The following DOCK8 variants were observed in gnomAD, a reference collection of about 807,000 sequenced individuals.
DOCK8 encodes the protein dedicator of cytokinesis protein 8.
Under a neutral mutation model 245.6 loss-of-function variants are expected in DOCK8, and 141 were observed. That is an observed-to-expected ratio of 0.57 (90% CI 0.50 to 0.66). The LOEUF is 0.66. Ranked by LOEUF, DOCK8 falls within the 30% of genes least tolerant of loss-of-function variation. The pLI is 0.00. For synonymous variants in DOCK8, 1,168 were observed against 970.2 expected (o/e 1.20, Z -3.79); for missense variants, 2,965 against 2,603.4 (o/e 1.14, Z -3.02).
intron 14 of DOCK8, among the ~76,000 whole-genome samples, chr9:359,275 G>C (rs1380578995): frequency 1.3e-5 from 2 of 152,194 alleles, no homozygotes; most frequent in Non-Finnish European, 2.9e-5. Context: ...TTGTTGACCA[G>C]AGAGATTGTT....
rs1051161621 is a variant in DOCK8 at position 386,350 on chromosome 9, G to A, written c.2798G>A (p.Ser933Asn). The A allele has an allele frequency of 1.9e-6, 3 of 1,613,810 alleles. No individual in the cohort carries two copies. The highest frequency in any genetic ancestry group is 1.3e-5 in the African/African-American group (1 of 74,926). ...TTTTAGATCGCCGATCGCAACTGCA[G>A]CCGAATGTCTTACTATTGCTCTGGC... Reference protein sequence around the residue: ...MSSKIADRNCSRMSYYCSGSS... With the variant: ...MSSKIADRNCNRMSYYCSGSS... The change falls in exon 23 of 48, where the codon AGC becomes AAC. Residue 933 changes from serine (S) to asparagine (N), a missense_variant. Around this residue, in one of 3 missense-constraint regions of DOCK8, gnomAD observed 2,825 missense variants for 2,453.5 expected, o/e 1.15. Transcript: ENST00000432829.
chr9:273,686 C>G (rs946781214), intron 2 of DOCK8, among the ~76,000 whole-genome samples: 3 of 149,946 alleles, frequency 2.0e-5, no homozygotes, highest in African/African-American at 7.4e-5. Flanking sequence ...CCAGCTTTTA[C>G]TCTTTTTTTT....
chr9:243,164 A>G (rs1447673568), intron 1 of DOCK8, among the ~76,000 whole-genome samples: 2 of 152,084 alleles, frequency 1.3e-5, no homozygotes, highest in South Asian at 4.1e-4. Flanking sequence ...GGCTTAATCA[A>G]CTCAGTGGTA....
At chr9:371,859 G>A (rs1289740012) in intron 17 of DOCK8, among the ~76,000 whole-genome samples, 1 of 152,146 alleles carries the variant, frequency 6.6e-6, no homozygotes, top group Non-Finnish European at 1.5e-5. Flanking sequence ...TATAGAACTA[G>A]CTTTGTCCCC....
At chr9:386,229 A>G in intron 22 of DOCK8, 102 bp from the exon 23 acceptor site, 2 of 993,614 alleles carry the variant, frequency 2.0e-6, no homozygotes, top group Non-Finnish European at 3.1e-6. Context: ...ACCAGGAAAA[A>G]AAATATGTAT....
At chr9:346,628 A>C (rs193169083) in intron 14 of DOCK8, among the ~76,000 whole-genome samples, 1 of 152,050 alleles carries the variant, frequency 6.6e-6, no homozygotes, top group African/African-American at 2.4e-5. Flanking sequence ...CAGTTGGAAC[A>C]TGATTTCTCT....
chr9:279,808 G>A (rs2048503511), intron 2 of DOCK8, among the ~76,000 whole-genome samples: 1 of 152,218 alleles, frequency 6.6e-6, no homozygotes, highest in Admixed American at 6.5e-5. Context: ...GCCAGCTGGA[G>A]ACATCATGCC....
intron 29 of DOCK8, among the ~76,000 whole-genome samples, chr9:417,205 A>T (rs2056062299): frequency 6.6e-6 from 1 of 152,130 alleles, no homozygotes; most frequent in East Asian, 1.9e-4. Context: ...AGGTAGGAGG[A>T]TGGAGGGGCA....
At chr9:390,041 A>G (rs1380872799) in intron 23 of DOCK8, among the ~76,000 whole-genome samples, 1 of 151,512 alleles carries the variant, frequency 6.6e-6, no homozygotes, top group East Asian at 1.9e-4. Context: ...AAGTTTGAGA[A>G]CTGCTGCCAC....
At chr9:451,973 ATATATT>A (rs2057471637) in intron 45 of DOCK8, 32 bp from the exon 46 acceptor site, 11 of 369,366 alleles carry the variant, frequency 3.0e-5, no homozygotes, top group Non-Finnish European at 4.0e-5. Context: ...ATATATATAT[ATATATT>A]TTTTTTTTTT....
In DOCK8 at chr9:292,898, G is replaced by A. The variant is rs150159259; in HGVS notation, c.404+3317G>A. ...AATCCAGATCATTAGCCACTTGACT[G>A]TTGCTTCTGTTCCCTTATGTGTCTC... On this transcript the variant is annotated intron_variant, in intron 4 of 47. Coordinates refer to ENST00000432829, the MANE Select transcript of DOCK8 (RefSeq NM_203447.4). Among the ~76,000 whole-genome samples, 57 of 152,214 alleles carry A rather than the reference G, an allele frequency of 3.7e-4. No individual in the cohort carries two copies. In the East Asian group the frequency reaches 0.01, roughly 27 times the overall value.
chr9:291,842 G>A (rs2049052921), intron 4 of DOCK8, among the ~76,000 whole-genome samples: 1 of 151,266 alleles, frequency 6.6e-6, no homozygotes, highest in South Asian at 2.1e-4. Flanking sequence ...TGAGGTAGGA[G>A]GATCCCTTGA....
At chr9:417,502 A>T (rs891623047) in intron 29 of DOCK8, among the ~76,000 whole-genome samples, 4 of 152,200 alleles carry the variant, frequency 2.6e-5, no homozygotes, top group African/African-American at 9.7e-5. Flanking sequence ...AAATATTAAT[A>T]GTTTTTGATT....
chr9:331,447 A>T (rs1361964504), intron 9 of DOCK8, among the ~76,000 whole-genome samples: 1 of 152,184 alleles, frequency 6.6e-6, no homozygotes, highest in Non-Finnish European at 1.5e-5. Flanking sequence ...AACCCCATAA[A>T]TGCCCCTTTA....
At chr9:323,367 G>T (rs1253971385) in intron 7 of DOCK8, among the ~76,000 whole-genome samples, 2 of 151,650 alleles carry the variant, frequency 1.3e-5, no homozygotes, top group African/African-American at 4.8e-5. Context: ...GGGATTACAG[G>T]CACTTGCCAC....
chr9:328,103 T>C lies in DOCK8; in HGVS notation c.976T>C (p.Ser326Pro). The C allele has an allele frequency of 6.2e-7, 1 of 1,614,202 alleles. No individual in the cohort carries two copies. The highest frequency in any genetic ancestry group is 8.5e-7 in the Non-Finnish European group (1 of 1,180,010). ...LRAHTPSVAA[S>P]SQARSAVFSV... Reference sequence around the variant, plus strand: ...AGCTCACACGCCTTCAGTGGCCGCATCAAGTCAGGCGAGATCTGCAGTCTT... The same window carrying C: ...AGCTCACACGCCTTCAGTGGCCGCACCAAGTCAGGCGAGATCTGCAGTCTT... Residue 326 changes from serine (S) to proline (P), a missense_variant, in exon 9 of 48, where the codon TCA (serine) becomes CCA (proline). Physicochemically the swap from Ser to Pro is moderately conservative, Grantham distance 74. Around this residue, in one of 3 missense-constraint regions of DOCK8, gnomAD observed 2,825 missense variants for 2,453.5 expected, o/e 1.15. Transcript: ENST00000432829.
intron 37 of DOCK8, 74 bp from the exon 38 acceptor site, chr9:433,801 C>T: frequency 1.6e-6 from 2 of 1,255,622 alleles, no homozygotes; most frequent in Non-Finnish European, 2.3e-6. Context: ...CTTCCCCTTG[C>T]ATTTCAATGT....
chr9:282,272 T>C (rs113989992), intron 2 of DOCK8, among the ~76,000 whole-genome samples: 120 of 152,280 alleles, frequency 7.9e-4, no homozygotes, highest in African/African-American at 2.7e-3. Flanking sequence ...CAGAACATCA[T>C]TGCTGAGTGA....
chr9:434,212 A>T (rs2056816795), intron 38 of DOCK8, among the ~76,000 whole-genome samples: 1 of 152,210 alleles, frequency 6.6e-6, no homozygotes, highest in African/African-American at 2.4e-5. Flanking sequence ...ACATTATTAA[A>T]TATAATAACA....
Sources: gnomAD v4.1 joint callset for allele counts (sites outside exome capture counted in the v4.1 genomes callset) on GRCh38, gnomAD v4.1.1 for gene constraint, gnomAD v4.1.1 regional missense constraint, MANE v1.5 for transcripts, NCBI Gene and HGNC (gene_info 2026-07-23, HGNC 2026-07-21) for gene names.